The following PLCB4 variants were observed in gnomAD, a reference collection of about 807,000 sequenced individuals.
The protein encoded by PLCB4 is phospholipase C beta 4.
Under a neutral mutation model 178.8 loss-of-function variants are expected in PLCB4, and 77 were observed. The observed-to-expected ratio is 0.43, with a 90% CI of 0.36 to 0.52. The LOEUF (loss-of-function observed/expected upper bound fraction) is 0.52, where lower values mean the gene tolerates loss of function less well. Among genes scored for constraint, PLCB4 ranks in the 20% least tolerant of loss-of-function variants. The pLI is 0.00. For missense variants in PLCB4, 1,024 were observed against 1,453.4 expected, an observed-to-expected ratio of 0.70 and a Z score of 4.80; for synonymous variants, 496 against 490.8, an observed-to-expected ratio of 1.01 and a Z score of -0.14.
intron 1 of PLCB4, among the ~76,000 whole-genome samples, chr20:9,083,786 G>A (rs2090275354): frequency 6.6e-6 from 1 of 152,198 alleles, no homozygotes; most frequent in Non-Finnish European, 1.5e-5. Context: ...AAGGCCATAT[G>A]AGGACACGGG....
intron 3 of PLCB4, among the ~76,000 whole-genome samples, chr20:9,246,762 A>G (rs2094130823): frequency 2.0e-5 from 3 of 152,178 alleles, no homozygotes; most frequent in Admixed American, 1.3e-4. Flanking sequence ...CCAGTTATTC[A>G]ATATGACTGG....
chr20:9,384,049 C>A, intron 13 of PLCB4, 152 bp from the exon 14 acceptor site: 1 of 632,570 alleles, frequency 1.6e-6, no homozygotes, highest in Non-Finnish European at 2.8e-6. Flanking sequence ...TCTCTTATTT[C>A]ATTCAAGTTC....
In PLCB4 at chr20:9,305,069, TTAGA is replaced by T. The variant is rs2094750510; in HGVS notation, c.-15-2727_-15-2724del. Among the ~76,000 whole-genome samples the T allele has an allele frequency of 3.7e-5, 5 of 136,370 alleles. No individual in the cohort carries two copies. In the Admixed American group the frequency reaches 4.2e-4, roughly 11 times the overall value. 89.5% of individuals were successfully genotyped at this position (136,370 alleles called of 152,430 possible). Reference sequence around the variant, plus strand: ...CAACATCCCTGCATTTTCAAACTTCTTAGATAGTTTTCAAAATATTTCTGTAAAC... The same window carrying T: ...CAACATCCCTGCATTTTCAAACTTCTTAGTTTTCAAAATATTTCTGTAAAC... On this transcript the variant is annotated intron_variant, in intron 3 of 39. Coordinates refer to ENST00000378473, the MANE Select transcript of PLCB4 (RefSeq NM_001377142.1).
chr20:9,218,110 GTTTA>G (rs750812507), intron 3 of PLCB4, among the ~76,000 whole-genome samples: 7 of 152,188 alleles, frequency 4.6e-5, no homozygotes, highest in African/African-American at 9.6e-5. Flanking sequence ...ATTGCTGTTT[GTTTA>G]TTTATTTATT....
chr20:9,082,103 GGAA>G (rs2090181307), intron 1 of PLCB4, among the ~76,000 whole-genome samples: 1 of 94,782 alleles, frequency 1.1e-5, no homozygotes, highest in Admixed American at 9.6e-5. Flanking sequence ...GTTATAACCT[GGAA>G]TTAGAAAAAA....
chr20:9,362,812 A>G, intron 7 of PLCB4, 84 bp from the exon 8 acceptor site: 1 of 793,302 alleles, frequency 1.3e-6, no homozygotes, highest in Non-Finnish European at 2.2e-6. Flanking sequence ...ATTACACAAA[A>G]TGGATACAAT....
chr20:9,125,534 A>T (rs1314293450), intron 2 of PLCB4, among the ~76,000 whole-genome samples: 1 of 152,294 alleles, frequency 6.6e-6, no homozygotes, highest in East Asian at 1.9e-4. Context: ...GTAATGAGGG[A>T]TATTCCTACT....
intron 1 of PLCB4, among the ~76,000 whole-genome samples, chr20:9,083,435 A>G (rs775883283): frequency 4.4e-4 from 67 of 152,142 alleles, no homozygotes; most frequent in Non-Finnish European, 3.2e-4. Flanking sequence ...GGGATACATA[A>G]GAAATGGAGC....
rs1227808387 is a variant in PLCB4, at chr20:9,401,549, G to A, written c.1570G>A (p.Asp524Asn). ...ATTTGGAAATGAACTTTCTGCTGAT[G>A]ACTTGGGTCACAAGGAAGCTGTTGC... ...FKFGNELSAD[D>N]LGHKEAVANS... Residue 524 changes from aspartate (D) to asparagine (N), a missense_variant, in exon 20 of 40, where the codon GAC becomes AAC. Around this residue, in one of 7 missense-constraint regions of PLCB4, gnomAD observed 263 missense variants for 417.4 expected, o/e 0.63. Transcript: ENST00000378473. The A allele has an allele frequency of 6.2e-7, 1 of 1,613,734 alleles. No homozygotes were observed. Among genetic ancestry groups the A allele is most frequent in the Non-Finnish European group, 8.5e-7 (1 of 1,179,858 alleles).
intron 3 of PLCB4, among the ~76,000 whole-genome samples, chr20:9,271,537 G>A (rs1021789631): frequency 3.9e-5 from 6 of 152,086 alleles, no homozygotes; most frequent in Admixed American, 6.6e-5. Context: ...AGACATTGAC[G>A]TTGTCATTAC....
chr20:9,467,451 T>A (rs907181954), intron 35 of PLCB4, among the ~76,000 whole-genome samples: 14 of 152,174 alleles, frequency 9.2e-5, no homozygotes, highest in East Asian at 5.8e-4. Context: ...ATAAATAAAA[T>A]AAATCCATGG....
intron 4 of PLCB4, among the ~76,000 whole-genome samples, chr20:9,322,929 G>C (rs899208237): frequency 4.6e-5 from 7 of 152,192 alleles, no homozygotes; most frequent in Non-Finnish European, 8.8e-5. Context: ...CTAAGCCAGA[G>C]CTTCCTTGTT....
intron 2 of PLCB4, among the ~76,000 whole-genome samples, chr20:9,197,149 A>G (rs2093481667): frequency 6.6e-6 from 1 of 152,228 alleles, no homozygotes; most frequent in Admixed American, 6.5e-5. Flanking sequence ...GAGAATTATT[A>G]GATGCCTCCA....
Position 9,125,155 on chromosome 20 carries a change from TTAGCTGCCTTC to T in PLCB4, c.-79+28815_-79+28825del, listed in dbSNP as rs2146775267. Among the ~76,000 whole-genome samples the T allele has an allele frequency of 2.6e-5, 4 of 152,290 alleles. No individual in the cohort carries two copies. The South Asian group carries it at 8.3e-4, about 32-fold the overall frequency. On this transcript the variant is annotated intron_variant, in intron 2 of 39. Coordinates refer to ENST00000378473, the MANE Select transcript of PLCB4 (RefSeq NM_001377142.1). ...ACCAATGAGAACACCGTGATCCAGT[TTAGCTGCCTTC>T]TGAAGCAATTGCTAGTTTTAATATA... is the stretch of plus-strand genomic sequence containing the variant.
intron 7 of PLCB4, among the ~76,000 whole-genome samples, chr20:9,345,650 G>A (rs1461447327): frequency 2.0e-5 from 3 of 152,016 alleles, no homozygotes; most frequent in East Asian, 3.9e-4. Flanking sequence ...GCAAATATTG[G>A]GATTGAGTTT....
At chr20:9,315,990 G>A (rs984020411) in intron 4 of PLCB4, among the ~76,000 whole-genome samples, 13 of 151,980 alleles carry the variant, frequency 8.6e-5, no homozygotes, top group South Asian at 8.3e-4. Flanking sequence ...TAAGGGAAAA[G>A]CATTCCAAGA....
intron 7 of PLCB4, among the ~76,000 whole-genome samples, chr20:9,346,727 T>C (rs113216811): frequency 4.1e-4 from 63 of 152,292 alleles, no homozygotes; most frequent in African/African-American, 1.4e-3. Context: ...GAACAAATAA[T>C]TGAGTGCATA....
intron 2 of PLCB4, among the ~76,000 whole-genome samples, chr20:9,183,100 C>T (rs141277756): frequency 8.0e-4 from 121 of 152,156 alleles, no homozygotes; most frequent in African/African-American, 1.3e-3. Flanking sequence ...TCCCCTGCCC[C>T]GGAGGATGTT....
chr20:9,393,692 A>C lies in PLCB4; in HGVS notation c.1414+14A>C. Reference sequence around the variant, plus strand: ...AAGTTGAAAAAAGTAAGTGAAACACACACATTTATAATGGAAGCATACATA... The same window carrying C: ...AAGTTGAAAAAAGTAAGTGAAACACCCACATTTATAATGGAAGCATACATA... On this transcript the variant is annotated intron_variant, in intron 18 of 39. Coordinates refer to ENST00000378473, the MANE Select transcript of PLCB4 (RefSeq NM_001377142.1). 1 of 1,492,526 alleles carries C rather than the reference A, an allele frequency of 6.7e-7. No homozygotes were observed. The highest frequency in any genetic ancestry group is 9.3e-7 in the Non-Finnish European group (1 of 1,069,550). The allele number at this position is 1,492,526 out of a possible 1,614,324, so 92.5% of individuals were successfully genotyped here.
Sources: gnomAD v4.1 joint callset for allele counts (sites outside exome capture counted in the v4.1 genomes callset) on GRCh38, gnomAD v4.1.1 for gene constraint, gnomAD v4.1.1 regional missense constraint, MANE v1.5 for transcripts, NCBI Gene and HGNC (gene_info 2026-07-23, HGNC 2026-07-21) for gene names.